Variants in SAXO1 observed in about 807,000 individuals in gnomAD.
SAXO1 encodes the protein 4930500O09Rik.
In SAXO1, 21 loss-of-function variants were observed where a neutral mutation model predicts 17.5. The ratio of observed to expected loss-of-function variants is 1.20; its 90% CI spans 0.85 to 1.72. SAXO1 has a LOEUF of 1.72. Among genes scored for constraint, SAXO1 ranks in the 40% most tolerant of loss-of-function variants. SAXO1 has a pLI of 0.00. For synonymous variants in SAXO1, 274 were observed against 216.5 expected, an observed-to-expected ratio of 1.27 and a Z score of -2.33; for missense variants, 843 against 596.0, an observed-to-expected ratio of 1.41 and a Z score of -4.32.
At chr9:18,948,171 C>T (rs552144094) in intron 2 of SAXO1, among the ~76,000 whole-genome samples, 5 of 152,118 alleles carry the variant, frequency 3.3e-5, no homozygotes, top group Non-Finnish European at 5.9e-5. Context: ...AGGGGAACAC[C>T]CAGATGGTAG....
At chr9:18,969,105 G>A (rs1299509742) in intron 1 of SAXO1, among the ~76,000 whole-genome samples, 1 of 151,922 alleles carries the variant, frequency 6.6e-6, no homozygotes, top group African/African-American at 2.4e-5. Context: ...AAATCCCTAA[G>A]CAGTGGGGCC....
At chr9:19,038,056 G>C (rs916988676), upstream of SAXO1, among the ~76,000 whole-genome samples, 3 of 152,184 alleles carry the variant, frequency 2.0e-5, no homozygotes, top group Non-Finnish European at 4.4e-5. Flanking sequence ...ACCACAATGA[G>C]ATACCATCTC....
At chr9:18,965,430 G>T (rs370522827) in intron 1 of SAXO1, among the ~76,000 whole-genome samples, 1 of 152,140 alleles carries the variant, frequency 6.6e-6, no homozygotes, top group African/African-American at 2.4e-5. Context: ...GAATCTGGGT[G>T]CTCCTGTATT....
At chr9:19,023,541 T>C (rs1835338113) in intron 1 of SAXO1, among the ~76,000 whole-genome samples, 1 of 152,174 alleles carries the variant, frequency 6.6e-6, no homozygotes, top group Non-Finnish European at 1.5e-5. Flanking sequence ...GGCTGGGATT[T>C]GAACCAAGAT....
intron 2 of SAXO1, among the ~76,000 whole-genome samples, chr9:18,946,015 G>GC (rs1831778520): frequency 6.6e-6 from 1 of 152,138 alleles, no homozygotes; most frequent in African/African-American, 2.4e-5. Flanking sequence ...GGTGGCCCAT[G>GC]CTTGTAATCC....
intron 1 of SAXO1, among the ~76,000 whole-genome samples, chr9:18,956,241 T>C (rs1832255411): frequency 1.3e-5 from 2 of 151,550 alleles, no homozygotes. Context: ...ATAAGCACCA[T>C]GACCAGCATC....
chr9:18,951,075 C>G lies in SAXO1; in HGVS notation c.39-138G>C, dbSNP rs533574728. On this transcript the variant is annotated intron_variant, in intron 1 of 3. Coordinates refer to ENST00000380534, the MANE Select transcript of SAXO1 (RefSeq NM_153707.4). ...ATTGAAAACCAGAATTCAACGGTTA[C>G]TTTTTTCCACTAAACTACGTGAAGT... is the stretch of plus-strand genomic sequence containing the variant. 2.4e-5 allele frequency: 20 copies of G among 845,956 alleles called. No individual in the cohort carries two copies. The Admixed American group carries it at 5.5e-4, about 23-fold the overall frequency. The allele number at this position is 845,956 out of a possible 1,614,324, so 52.4% of individuals were successfully genotyped here.
chr9:18,942,352 C>T (rs116825840), intron 2 of SAXO1, among the ~76,000 whole-genome samples: 5,093 of 152,234 alleles, frequency 0.033, 287 homozygotes, highest in African/African-American at 0.11. Context: ...TTGTCTCTCA[C>T]GATCCCCACC....
chr9:18,937,532 G>C (rs1831354246), intron 3 of SAXO1, among the ~76,000 whole-genome samples: 1 of 152,190 alleles, frequency 6.6e-6, no homozygotes, highest in Non-Finnish European at 1.5e-5. Flanking sequence ...ATTTGCTATA[G>C]TCTGAATGTG....
intron 1 of SAXO1, among the ~76,000 whole-genome samples, chr9:19,026,592 G>A (rs1563990064): frequency 6.6e-6 from 1 of 152,108 alleles, no homozygotes; most frequent in Non-Finnish European, 1.5e-5. Flanking sequence ...ACATCGCCAG[G>A]GAAAAGAGAG....
At chr9:19,046,695 T>A (rs1272428140) in intron 1 of SAXO1, among the ~76,000 whole-genome samples, 1 of 142,012 alleles carries the variant, frequency 7.0e-6, no homozygotes, top group African/African-American at 2.8e-5. Flanking sequence ...AGAGCAAAAC[T>A]TCGTCTCAGA....
chr9:18,950,371 C>T (rs1236451912), intron 2 of SAXO1, among the ~76,000 whole-genome samples: 1 of 152,126 alleles, frequency 6.6e-6, no homozygotes, highest in African/African-American at 2.4e-5. Context: ...CACCACCATC[C>T]CCCACCTACC....
At chr9:19,031,492 C>T (rs543545960) in intron 1 of SAXO1, among the ~76,000 whole-genome samples, 25 of 152,342 alleles carry the variant, frequency 1.6e-4, no homozygotes, top group Non-Finnish European at 3.5e-4. Context: ...AACCCTGAGG[C>T]ATAGGTTGCA....
intron 3 of SAXO1, among the ~76,000 whole-genome samples, chr9:18,930,659 C>A (rs1350364757): frequency 1.3e-5 from 2 of 152,174 alleles, no homozygotes; most frequent in African/African-American, 2.4e-5. Flanking sequence ...GCCACCGCAC[C>A]CGGCTAATTT....
intron 1 of SAXO1, among the ~76,000 whole-genome samples, chr9:19,012,236 T>C (rs1380576554): frequency 1.3e-5 from 2 of 152,352 alleles, no homozygotes; most frequent in South Asian, 2.1e-4. Flanking sequence ...GAAGAAAAAC[T>C]AGAGAAAATA....
intron 3 of SAXO1, among the ~76,000 whole-genome samples, chr9:18,932,386 T>G (rs1222189664): frequency 6.6e-6 from 1 of 152,252 alleles, no homozygotes; most frequent in Non-Finnish European, 1.5e-5. Flanking sequence ...GCATTGGTCA[T>G]TATACTTGTC....
Position 19,004,856 on chromosome 9 carries a change from T to A in SAXO1, c.38+28015A>T, listed in dbSNP as rs551977972. ...CATTGTGCACATGTACGCTAGAACT[T>A]AGAGTAAAATAATAATAAAAAGAAA... is the stretch of plus-strand genomic sequence containing the variant. On this transcript the variant is annotated intron_variant, in intron 1 of 3. Transcript: ENST00000380534. 3.0e-3 allele frequency among the ~76,000 whole-genome samples: 459 copies of A among 152,216 alleles called. 8 individuals carry two copies. The South Asian group carries it at 0.044, about 15-fold the overall frequency.
At chr9:19,040,993 A>G (rs1036675202) in intron 1 of SAXO1, among the ~76,000 whole-genome samples, 26 of 152,184 alleles carry the variant, frequency 1.7e-4, no homozygotes, top group African/African-American at 6.3e-4. Context: ...GGAAAAAAAA[A>G]AAGTCAAATT....
chr9:18,969,134 A>G lies in SAXO1; in HGVS notation c.39-18197T>C, dbSNP rs75757437. Among the ~76,000 whole-genome samples, 990 of 152,260 alleles carry G rather than the reference A, an allele frequency of 6.5e-3. 12 individuals carry two copies. Among genetic ancestry groups the G allele is most frequent in the African/African-American group, 0.023 (945 of 41,544 alleles). ...TGGGGCCTACATGAAACAAGCGCGT[A>G]TCTGCTTAAGTAAGAGCTTCCTTGA... On this transcript the variant is annotated intron_variant, in intron 1 of 3. Transcript: ENST00000380534.
Sources: allele counts gnomAD v4.1 joint callset (sites outside exome capture counted in the v4.1 genomes callset), GRCh38; gene constraint gnomAD v4.1.1; transcripts MANE v1.5; gene names NCBI Gene and HGNC (gene_info 2026-07-23, HGNC 2026-07-21).